SLAIN2: variants seen among roughly 807,000 people sequenced by gnomAD.
SLAIN2 encodes SLAIN family member 2.
SLAIN2 carries 31 observed loss-of-function variants against 56.6 expected under a neutral mutation model. That is an observed-to-expected ratio of 0.55 (90% CI 0.41 to 0.74). SLAIN2 has a LOEUF of 0.74. SLAIN2 is among the 30% of genes least tolerant of loss of function. The pLI is 0.00. For missense variants in SLAIN2, 777 were observed against 754.2 expected, an observed-to-expected ratio of 1.03 and a Z score of -0.35; for synonymous variants, 317 against 284.9, an observed-to-expected ratio of 1.11 and a Z score of -1.13.
intron 1 of SLAIN2, among the ~76,000 whole-genome samples, chr4:48,351,934 T>C (rs1715017735): frequency 6.6e-6 from 1 of 152,202 alleles, no homozygotes; most frequent in Non-Finnish European, 1.5e-5. Context: ...TCTGTGAGAA[T>C]CAACAAGTTT....
chr4:48,407,410 G>A (rs1261126895), intron 6 of SLAIN2, among the ~76,000 whole-genome samples: 1 of 152,060 alleles, frequency 6.6e-6, no homozygotes, highest in Non-Finnish European at 1.5e-5. Flanking sequence ...TGAAATAATA[G>A]ATAATTTCAT....
At chr4:48,354,941 C>T (rs1444676162) in intron 1 of SLAIN2, among the ~76,000 whole-genome samples, 1 of 151,872 alleles carries the variant, frequency 6.6e-6, no homozygotes. Context: ...CTCTTGTCAC[C>T]CAGGCTGGAG....
chr4:48,400,820 G>C (rs186376566), intron 6 of SLAIN2, among the ~76,000 whole-genome samples: 1 of 151,618 alleles, frequency 6.6e-6, no homozygotes, highest in Admixed American at 6.6e-5. Context: ...ATCTCCTTCA[G>C]TTCTTCTGCT....
At chr4:48,352,512 G>A (rs756203620) in intron 1 of SLAIN2, among the ~76,000 whole-genome samples, 40 of 152,168 alleles carry the variant, frequency 2.6e-4, no homozygotes, top group Non-Finnish European at 3.2e-4. Context: ...ATCCCAAACA[G>A]GATTCTGCAA....
Position 48,379,823 on chromosome 4 carries a change from G to C in SLAIN2, c.837G>C (p.Gln279His). Reference protein sequence around the residue: ...NYKLNDVTDVQILARMQEESL... With the variant: ...NYKLNDVTDVHILARMQEESL... ...AGCTAAATGATGTAACTGATGTACA[G>C]ATTCTAGCCCGGATGCAGGAAGAAA... is the stretch of plus-strand genomic sequence containing the variant. The change falls in exon 4 of 8, where the codon CAG becomes CAC. Residue 279 changes from glutamine (Q) to histidine (H), a missense_variant. Transcript: ENST00000264313. The C allele has an allele frequency of 2.6e-6, 4 of 1,566,642 alleles. No homozygotes were observed. Among genetic ancestry groups the C allele is most frequent in the Non-Finnish European group, 3.4e-6 (4 of 1,163,640 alleles).
At chr4:48,366,130 T>C (rs1240797624) in intron 1 of SLAIN2, among the ~76,000 whole-genome samples, 1 of 152,246 alleles carries the variant, frequency 6.6e-6, no homozygotes, top group Non-Finnish European at 1.5e-5. Flanking sequence ...CTACATTGCT[T>C]TCTGTTGCTG....
chr4:48,410,279 G>GTTT (rs767661540), intron 6 of SLAIN2, among the ~76,000 whole-genome samples: 1 of 136,202 alleles, frequency 7.3e-6, no homozygotes, highest in African/African-American at 2.6e-5. Context: ...TGTTTTTTTA[G>GTTT]TTTTTTTTTT....
chr4:48,384,505 C>CA (rs1312084040), intron 6 of SLAIN2, among the ~76,000 whole-genome samples: 1 of 152,084 alleles, frequency 6.6e-6, no homozygotes, highest in Non-Finnish European at 1.5e-5. Context: ...TGCCAGAAAC[C>CA]ATCACTTTTT....
intron 5 of SLAIN2, among the ~76,000 whole-genome samples, chr4:48,383,446 T>C (rs1716021890): frequency 6.6e-6 from 1 of 152,182 alleles, no homozygotes; most frequent in Non-Finnish European, 1.5e-5. Context: ...GTGGTTATCT[T>C]TAAGTGTTCT....
intron 1 of SLAIN2, among the ~76,000 whole-genome samples, chr4:48,362,732 CTTTTTTTTTTTTTTATTCTT>C (rs1715363798): frequency 1.7e-5 from 2 of 116,404 alleles, no homozygotes; most frequent in African/African-American, 6.6e-5. Flanking sequence ...TTTTAAATTT[CTTTTTTTTTTTTTTATTCTT>C]TTTTTTTTTT....
At chr4:48,402,418 C>A (rs925395714) in intron 6 of SLAIN2, among the ~76,000 whole-genome samples, 3 of 152,156 alleles carry the variant, frequency 2.0e-5, no homozygotes, top group African/African-American at 7.2e-5. Flanking sequence ...GTACCCCAGT[C>A]ATTCATCGGT....
At chr4:48,371,986 ACACG>A (rs1344134708) in intron 2 of SLAIN2, among the ~76,000 whole-genome samples, 1 of 116,590 alleles carries the variant, frequency 8.6e-6, no homozygotes, top group African/African-American at 3.6e-5. Context: ...ACACACACAC[ACACG>A]CGCGCACACA....
intron 1 of SLAIN2, among the ~76,000 whole-genome samples, chr4:48,354,614 C>G (rs1046388535): frequency 2.6e-5 from 4 of 151,746 alleles, no homozygotes; most frequent in South Asian, 2.1e-4. Context: ...TTACAGACAC[C>G]CACCACCACA....
chr4:48,362,423 C>G (rs79840133), intron 1 of SLAIN2, among the ~76,000 whole-genome samples: 5 of 140,954 alleles, frequency 3.5e-5, no homozygotes, highest in African/African-American at 1.0e-4. Context: ...TTCTCTCTCT[C>G]TTTTTTTTTT....
In SLAIN2 at chr4:48,403,589, G is replaced by A. The variant is rs957026859; in HGVS notation, c.1361-16536G>A. Reference sequence around the variant, plus strand: ...AGCTGACTCCAACCACAGAGATGGCGGCCACCCTTCCTCCCAGGAGTTCGG... The same window carrying A: ...AGCTGACTCCAACCACAGAGATGGCAGCCACCCTTCCTCCCAGGAGTTCGG... On this transcript the variant is annotated intron_variant, in intron 6 of 7. Transcript: ENST00000264313. Among the ~76,000 whole-genome samples the A allele has an allele frequency of 3.9e-4, 59 of 152,294 alleles. 1 individual carries two copies. Among genetic ancestry groups the A allele is most frequent in the Admixed American group, 2.7e-3 (41 of 15,300 alleles).
intron 6 of SLAIN2, among the ~76,000 whole-genome samples, chr4:48,389,190 A>G (rs1716171713): frequency 6.6e-6 from 1 of 152,246 alleles, no homozygotes. Context: ...TAGTACAGTG[A>G]TGTTGGCTCA....
intron 6 of SLAIN2, among the ~76,000 whole-genome samples, chr4:48,419,119 T>TC (rs1717077798): frequency 6.6e-6 from 1 of 151,922 alleles, no homozygotes; most frequent in Admixed American, 6.6e-5. Flanking sequence ...CTTTTTTTTT[T>TC]TGAGACAGAG....
chr4:48,395,580 T>C (rs945561372), intron 6 of SLAIN2, among the ~76,000 whole-genome samples: 3 of 152,138 alleles, frequency 2.0e-5, no homozygotes, highest in Admixed American at 1.3e-4. Flanking sequence ...TAGTTTTAGA[T>C]AATAGGATTT....
chr4:48,378,093 A>T, intron 3 of SLAIN2, 33 bp downstream of exon 3: 1 of 1,600,768 alleles, frequency 6.2e-7, no homozygotes, highest in Non-Finnish European at 8.5e-7. Context: ...CTATTAAGGA[A>T]TGTTTTTTAG....
Sources: gnomAD v4.1 joint callset for allele counts (sites outside exome capture counted in the v4.1 genomes callset) on GRCh38, gnomAD v4.1.1 for gene constraint, MANE v1.5 for transcripts, NCBI Gene and HGNC (gene_info 2026-07-23, HGNC 2026-07-21) for gene names.